MFAP4: variants seen among roughly 807,000 people sequenced by gnomAD.
MFAP4 encodes microfibril-associated glycoprotein 4.
A neutral mutation model predicts 32.4 loss-of-function variants in MFAP4; 20 were observed. That is an observed-to-expected ratio of 0.62 (90% CI 0.43 to 0.90). MFAP4 has a LOEUF of 0.90. Among genes scored for constraint, MFAP4 ranks in the 40% least tolerant of loss-of-function variants. MFAP4 has a pLI of 0.00. For missense variants in MFAP4, 267 were observed against 329.5 expected, an observed-to-expected ratio of 0.81 and a Z score of 1.47; for synonymous variants, 146 against 137.4, an observed-to-expected ratio of 1.06 and a Z score of -0.44.
At chr17:19,387,021 T>A in intron 1 of MFAP4, 129 bp downstream of exon 1, 1 of 1,010,304 alleles carries the variant, frequency 9.9e-7, no homozygotes, top group East Asian at 5.7e-5. Flanking sequence ...TCTGGGACGC[T>A]GTGTACCCTC....
rs1346368156 is a variant in MFAP4 at position 19,385,368 on chromosome 17, C to T, written c.327G>A (p.Glu109=). The T allele has an allele frequency of 3.1e-6, 5 of 1,614,272 alleles. No individual in the cohort carries two copies. Among genetic ancestry groups the T allele is most frequent in the Middle Eastern group, 1.7e-4 (1 of 6,060 alleles). ...YKLGFGRADG[E]YWLGLQNMHL... ...TGGTCCCTGCCTTACCCAGCCAGTA[C>T]TCTCCATCAGCACGGCCGAAGCCCA... The change falls in exon 4 of 6, where the codon GAG becomes GAA. Residue 109 remains glutamate, a synonymous_variant. Transcript: ENST00000299610.
Position 19,384,537 on chromosome 17 carries a change from A to G in MFAP4, c.693T>C (p.Asn231=), listed in dbSNP as rs766081346. 4 of 1,613,782 alleles carry G rather than the reference A, an allele frequency of 2.5e-6. No individual in the cohort carries two copies. Among genetic ancestry groups the G allele is most frequent in the Non-Finnish European group, 3.4e-6 (4 of 1,179,864 alleles). Residue 231 remains asparagine (N), a synonymous_variant, in exon 6 of 6, where the codon AAT becomes AAC. Coordinates refer to ENST00000299610, the MANE Select transcript of MFAP4 (RefSeq NM_002404.3). ...YLGGSHLSYA[N]GINWAQWKGF... ...CCTTCCACTGGGCCCAGTTGATGCCATTGGCATAAGAGAGGTGGGAGCCAC... is the reference window on the plus strand; with the variant it reads ...CCTTCCACTGGGCCCAGTTGATGCCGTTGGCATAAGAGAGGTGGGAGCCAC...
At position 19,385,283 on chromosome 17, in the gene MFAP4, T is replaced by G; in HGVS notation, c.338-2A>C. The G allele has an allele frequency of 6.2e-7, 1 of 1,614,220 alleles. No homozygotes were observed. The highest frequency in any genetic ancestry group is 8.5e-7 in the Non-Finnish European group (1 of 1,180,022). On this transcript the variant is annotated splice_acceptor_variant, in intron 4 of 5. Transcript: ENST00000299610. LOFTEE classifies it high-confidence loss of function. ...TCAGGAGGTGCATGTTCTGCAGCCC[T>G]GGGGAGGAGGGGCAGCTGGTCAACA...
rs748812441 is a variant in MFAP4 at position 19,385,275 on chromosome 17, T to C, written c.344A>G (p.Gln115Arg). The C allele has an allele frequency of 6.2e-7, 1 of 1,614,288 alleles. No homozygotes were observed. Among genetic ancestry groups the C allele is most frequent in the Admixed American group, 1.7e-5 (1 of 60,036 alleles). The stretch of plus-strand genomic sequence containing the variant: ...CTTCAGTGTCAGGAGGTGCATGTTC[T>C]GCAGCCCTGGGGAGGAGGGGCAGCT... ...RADGEYWLGL[Q>R]NMHLLTLKQK... The change falls in exon 5 of 6, where the codon CAG becomes CGG. Residue 115 changes from glutamine to arginine, a missense_variant. Around this residue, in one of 3 missense-constraint regions of MFAP4, gnomAD observed 223 missense variants for 253.3 expected, o/e 0.88. Coordinates refer to ENST00000299610, the MANE Select transcript of MFAP4 (RefSeq NM_002404.3).
intron 2 of MFAP4, 55 bp downstream of exon 2, chr17:19,386,705 C>A: frequency 1.3e-6 from 2 of 1,533,730 alleles, no homozygotes; most frequent in East Asian, 4.9e-5. Flanking sequence ...ACAGTCCAGC[C>A]TCTTCTTGCA....
intron 5 of MFAP4, 78 bp from the exon 6 acceptor site, chr17:19,384,787 C>T (rs558053813): frequency 1.6e-5 from 25 of 1,582,256 alleles, no homozygotes; most frequent in African/African-American, 4.0e-5. Context: ...GTGACAATGA[C>T]GACTGTGAGA....
chr17:19,386,723 T>TG lies in MFAP4; in HGVS notation c.85+36dup, dbSNP rs1399300790. ...GTCCAGCCTCTTCTTGCACAACCTGTGGGCCAGGCCGCGTCTGTGAGTGTG... is the reference window on the plus strand; with the variant it reads ...GTCCAGCCTCTTCTTGCACAACCTGTGGGGCCAGGCCGCGTCTGTGAGTGTG... On this transcript the variant is annotated intron_variant, in intron 2 of 5. Transcript: ENST00000299610. 3 of 1,550,536 alleles carry TG rather than the reference T, an allele frequency of 1.9e-6. No individual in the cohort carries two copies. In the South Asian group the frequency reaches 3.6e-5, roughly 18 times the overall value.
intron 3 of MFAP4, 131 bp from the exon 4 acceptor site, chr17:19,385,585 G>T: frequency 3.1e-5 from 19 of 611,380 alleles, no homozygotes; most frequent in East Asian, 7.4e-5. Flanking sequence ...TGGGGGTGGG[G>T]AGGGTGGTGG....
chr17:19,384,676 A>G lies in MFAP4; in HGVS notation c.554T>C (p.Phe185Ser). Residue 185 changes from phenylalanine (F) to serine (S), a missense_variant, in exon 6 of 6, where the codon TTC becomes TCC. This residue lies in a region of MFAP4 where 223 missense variants were observed against 253.3 expected (regional missense o/e 0.88). Transcript: ENST00000299610. ...DSLSYHSGQK[F>S]STFDRDQDLF... ...GTCCTGGTCCCGGTCGAAGGTAGAGAACTTCTGGCCACTGTGGTAGGACAG... is the reference window on the plus strand; with the variant it reads ...GTCCTGGTCCCGGTCGAAGGTAGAGGACTTCTGGCCACTGTGGTAGGACAG... The G allele has an allele frequency of 6.2e-7, 1 of 1,614,102 alleles. No individual in the cohort carries two copies. The highest frequency in any genetic ancestry group is 8.5e-7 in the Non-Finnish European group (1 of 1,179,990).
At chr17:19,386,169 G>A in intron 3 of MFAP4, 141 bp downstream of exon 3, 4 of 756,292 alleles carry the variant, frequency 5.3e-6, no homozygotes, top group Non-Finnish European at 6.2e-6. Flanking sequence ...ATTAAGCGTT[G>A]GCAGCTGCTC....
At position 19,385,452 on chromosome 17, in the gene MFAP4, A is replaced by G. The variant is rs1169659922; in HGVS notation, c.243T>C (p.Val81=). ...CTGAGCCATTGAATCTCTTCTGGAA[A>G]ACCTGGAGCAGAGAAGATGAGACTG... ...DMTTEGGKWT[V]FQKRFNGSVS... Residue 81 remains valine, a splice_region_variant and synonymous_variant, in exon 4 of 6, where the codon GTT becomes GTC. Transcript: ENST00000299610. 1.2e-6 allele frequency: 2 copies of G among 1,614,200 alleles called. No homozygotes were observed. The highest frequency in any genetic ancestry group is 1.7e-6 in the Non-Finnish European group (2 of 1,180,008).
chr17:19,386,977 G>GGGGCCCCC, intron 1 of MFAP4, 139 bp from the exon 2 acceptor site: 2 of 689,456 alleles, frequency 2.9e-6, no homozygotes, highest in Non-Finnish European at 2.4e-6. Context: ...CCTCTTCCCT[G>GGGGCCCCC]CCCCCCCACC....
chr17:19,386,977 G>GGGCCCCCCCCCCCCCCCCCCCCCAA, intron 1 of MFAP4, 139 bp from the exon 2 acceptor site: 1 of 689,450 alleles, frequency 1.5e-6, no homozygotes, highest in Non-Finnish European at 2.4e-6. Context: ...CCTCTTCCCT[G>GGGCCCCCCCCCCCCCCCCCCCCCAA]CCCCCCCACC....
Position 19,386,855 on chromosome 17 carries a change from AG to A in MFAP4, c.7-18del. On this transcript the variant is annotated intron_variant, in intron 1 of 5. Transcript: ENST00000299610. ...CAGGAGTGCCTGGCGATGGGCAGAC[AG>A]GGTCAGCACAGCCCCTTCCCAGCTC... The A allele has an allele frequency of 1.3e-6, 2 of 1,554,458 alleles. No individual in the cohort carries two copies. Among genetic ancestry groups the A allele is most frequent in the African/African-American group, 1.4e-5 (1 of 73,390 alleles).
Position 19,386,116 on chromosome 17 carries a change from C to T in MFAP4, c.240+194G>A, listed in dbSNP as rs569302656. Reference sequence around the variant, plus strand: ...AAGCCTGGATGACAGAGTGAGGCTCCGCCTCAAAACAAACAAACAAACACC... The same window carrying T: ...AAGCCTGGATGACAGAGTGAGGCTCTGCCTCAAAACAAACAAACAAACACC... On this transcript the variant is annotated intron_variant, in intron 3 of 5. Coordinates refer to ENST00000299610, the MANE Select transcript of MFAP4 (RefSeq NM_002404.3). Among the ~76,000 whole-genome samples the T allele has an allele frequency of 1.2e-3, 190 of 152,298 alleles. 1 individual carries two copies. Among genetic ancestry groups the T allele is most frequent in the Non-Finnish European group, 2.0e-3 (135 of 68,026 alleles).
In MFAP4 at chr17:19,385,190, C is replaced by T. The variant is rs766467522; in HGVS notation, c.429G>A (p.Lys143=). The part of the protein sequence containing the change: ...EDFENNTAYA[K]YADFSISPNA... ...TCGGGGAGATGGAGAAGTCAGCGTA[C>T]TTGGCATAGGCCGTGTTGTTCTCAA... Residue 143 remains lysine (K), a synonymous_variant, in exon 5 of 6, where the codon AAG becomes AAA. Transcript: ENST00000299610. The T allele has an allele frequency of 1.9e-5, 31 of 1,614,284 alleles. No homozygotes were observed. Among genetic ancestry groups the T allele is most frequent in the Non-Finnish European group, 2.6e-5 (31 of 1,180,052 alleles).
chr17:19,384,838 T>C, intron 5 of MFAP4, 129 bp from the exon 6 acceptor site: 1 of 1,288,814 alleles, frequency 7.8e-7, no homozygotes, highest in Non-Finnish European at 1.1e-6. Flanking sequence ...GCACCCTCCC[T>C]GAGCCAGATG....
At chr17:19,385,074 T>C in intron 5 of MFAP4, 25 bp downstream of exon 5, 6 of 1,605,226 alleles carry the variant, frequency 3.7e-6, no homozygotes, top group Non-Finnish European at 5.1e-6. Flanking sequence ...TCACAGCCCC[T>C]CCCAAAGCTA....
chr17:19,386,977 G>GCT, intron 1 of MFAP4, 139 bp from the exon 2 acceptor site: 1 of 689,458 alleles, frequency 1.5e-6, no homozygotes, highest in South Asian at 1.8e-5. Context: ...CCTCTTCCCT[G>GCT]CCCCCCCACC....
Sources: gnomAD v4.1 joint callset for allele counts (sites outside exome capture counted in the v4.1 genomes callset) on GRCh38, gnomAD v4.1.1 for gene constraint, gnomAD v4.1.1 regional missense constraint, MANE v1.5 for transcripts, NCBI Gene and HGNC (gene_info 2026-07-23, HGNC 2026-07-21) for gene names.